ARMC9: variants seen among roughly 807,000 people sequenced by gnomAD.
ARMC9 encodes lisH domain-containing protein ARMC9.
In ARMC9, 94 loss-of-function variants were observed where a neutral mutation model predicts 107.0. That is an observed-to-expected ratio of 0.88 (90% CI 0.74 to 1.04). The LOEUF is 1.04. ARMC9 is among the 50% of genes least tolerant of loss of function. ARMC9 has a pLI of 0.00. For synonymous variants in ARMC9, 380 were observed against 396.9 expected (o/e 0.96, Z 0.51); for missense variants, 942 against 1,030.1 (o/e 0.91, Z 1.17).
At chr2:231,319,615 T>C (rs2042890694) in intron 19 of ARMC9, among the ~76,000 whole-genome samples, 1 of 152,160 alleles carries the variant, frequency 6.6e-6, no homozygotes, top group Admixed American at 6.5e-5. Flanking sequence ...TTCCAGATGG[T>C]GTCTACACAC....
chr2:231,201,595 C>T (rs1274344916), intron 1 of ARMC9, among the ~76,000 whole-genome samples: 1 of 152,226 alleles, frequency 6.6e-6, no homozygotes, highest in Non-Finnish European at 1.5e-5. Flanking sequence ...TTCCATCTTT[C>T]ACACTCACTG....
At chr2:231,323,733 T>C (rs2043132022) in intron 19 of ARMC9, among the ~76,000 whole-genome samples, 1 of 152,208 alleles carries the variant, frequency 6.6e-6, no homozygotes, top group African/African-American at 2.4e-5. Flanking sequence ...TCCCATTTAC[T>C]AGCTAGAGAA....
intron 11 of ARMC9, among the ~76,000 whole-genome samples, chr2:231,259,683 G>A (rs985602845): frequency 1.3e-5 from 2 of 152,132 alleles, no homozygotes; most frequent in African/African-American, 4.8e-5. Flanking sequence ...AATATTTACA[G>A]CATTTGAAAT....
At chr2:231,337,916 A>C (rs1373759717) in intron 20 of ARMC9, among the ~76,000 whole-genome samples, 1 of 152,232 alleles carries the variant, frequency 6.6e-6, no homozygotes, top group Non-Finnish European at 1.5e-5. Flanking sequence ...CTACCCAACC[A>C]GAGGTAATCA....
intron 19 of ARMC9, among the ~76,000 whole-genome samples, chr2:231,302,998 C>T (rs1184816587): frequency 3.3e-5 from 5 of 151,888 alleles, no homozygotes; most frequent in South Asian, 4.2e-4. Context: ...AGCGAGACTC[C>T]GTCTCAAAAA....
intron 5 of ARMC9, among the ~76,000 whole-genome samples, chr2:231,218,737 C>T (rs1005471546): frequency 1.3e-5 from 2 of 151,682 alleles, no homozygotes; most frequent in South Asian, 2.1e-4. Flanking sequence ...AGTATGTATA[C>T]ATAATCAAGT....
chr2:231,284,003 T>A (rs1263108775), intron 17 of ARMC9, among the ~76,000 whole-genome samples: 1 of 152,228 alleles, frequency 6.6e-6, no homozygotes, highest in Non-Finnish European at 1.5e-5. Context: ...ATTACATGCA[T>A]GAGCCGCTGA....
intron 19 of ARMC9, among the ~76,000 whole-genome samples, chr2:231,324,350 A>T (rs1365201746): frequency 1.3e-5 from 2 of 150,476 alleles, no homozygotes; most frequent in Admixed American, 6.6e-5. Flanking sequence ...CTGGTCTTGA[A>T]CGCCTGACCT....
At chr2:231,208,764 T>C (rs571256787) in intron 3 of ARMC9, among the ~76,000 whole-genome samples, 2 of 152,256 alleles carry the variant, frequency 1.3e-5, no homozygotes, top group Admixed American at 1.3e-4. Flanking sequence ...CTCTCAGGGT[T>C]AGAAGGGACC....
chr2:231,346,632 A>G (rs2044828805), intron 21 of ARMC9, among the ~76,000 whole-genome samples: 1 of 152,198 alleles, frequency 6.6e-6, no homozygotes, highest in Non-Finnish European at 1.5e-5. Flanking sequence ...TTACATGCGT[A>G]TACATTTTTT....
intron 18 of ARMC9, 24 bp from the exon 19 acceptor site, chr2:231,296,174 C>G (rs2041350418): frequency 1.3e-6 from 2 of 1,587,680 alleles, no homozygotes; most frequent in East Asian, 4.5e-5. Context: ...ATCCATTATT[C>G]ATTGATTCTT....
At position 231,240,133 on chromosome 2, in the gene ARMC9, T is replaced by C. The variant is rs765427236; in HGVS notation, c.879+92T>C. ...TTAAAAATAGCATGAAAAAATAACA[T>C]GCAAGAGGCTGCATTTAAGCTGGCT... On this transcript the variant is annotated intron_variant, in intron 9 of 24. Transcript: ENST00000611582. 4.7e-6 allele frequency: 5 copies of C among 1,053,024 alleles called. No homozygotes were observed. In the Admixed American group the frequency reaches 1.2e-4, roughly 24 times the overall value. The allele number at this position is 1,053,024 out of a possible 1,614,324, so 65.2% of individuals were successfully genotyped here.
intron 18 of ARMC9, 144 bp downstream of exon 18, chr2:231,291,587 G>T (rs2040997360): frequency 1.4e-6 from 1 of 695,498 alleles, no homozygotes; most frequent in South Asian, 1.7e-5. Context: ...GGAGGCCGAG[G>T]TGGGTGGATC....
intron 7 of ARMC9, among the ~76,000 whole-genome samples, chr2:231,234,886 G>A (rs755507011): frequency 2.0e-5 from 3 of 152,226 alleles, no homozygotes; most frequent in Non-Finnish European, 4.4e-5. Context: ...GATTACAGGC[G>A]TGAGCCACCA....
rs535793535 is a variant in ARMC9, at chr2:231,281,947, G to A, written c.1552-112G>A. Reference sequence around the variant, plus strand: ...TGGAGCACAGGAGAGCTGCGAGGACGGGAACACCCACTCTCCCCATTTGCC... The same window carrying A: ...TGGAGCACAGGAGAGCTGCGAGGACAGGAACACCCACTCTCCCCATTTGCC... On this transcript the variant is annotated intron_variant, in intron 16 of 24. Transcript: ENST00000611582. 7.7e-5 allele frequency: 76 copies of A among 982,496 alleles called. 1 individual carries two copies. Among genetic ancestry groups the A allele is most frequent in the Middle Eastern group, 2.1e-4 (1 of 4,664 alleles). 60.9% of individuals were successfully genotyped at this position (982,496 alleles called of 1,614,324 possible).
chr2:231,290,591 A>C (rs1032246274), intron 17 of ARMC9, among the ~76,000 whole-genome samples: 7 of 152,228 alleles, frequency 4.6e-5, no homozygotes, highest in Non-Finnish European at 8.8e-5. Context: ...AAATCCTGCC[A>C]GGGAAGAGGA....
intron 21 of ARMC9, among the ~76,000 whole-genome samples, chr2:231,350,644 AAAAG>A (rs758038169): frequency 6.6e-6 from 1 of 151,878 alleles, no homozygotes; most frequent in African/African-American, 2.4e-5. Flanking sequence ...AAGAAAAAGA[AAAAG>A]AAACTTCATA....
Position 231,350,946 on chromosome 2 carries a change from C to CTTTTTTTTTTTT in ARMC9, c.1995-4833_1995-4822dup, listed in dbSNP as rs770225857. Among the ~76,000 whole-genome samples, 17 of 50,598 alleles carry CTTTTTTTTTTTT rather than the reference C, an allele frequency of 3.4e-4. 6 individuals are homozygous for CTTTTTTTTTTTT. The highest frequency in any genetic ancestry group is 1.6e-3 in the African/African-American group (16 of 10,074). The allele number at this position is 50,598 out of a possible 152,430, so 33.2% of individuals were successfully genotyped here. ...ATCCTATTTGCACAAAGTGACAATT[C>CTTTTTTTTTTTT]TTTTTTTTTTTTTTTTTTTTTTTTT... is the stretch of plus-strand genomic sequence containing the variant. On this transcript the variant is annotated intron_variant, in intron 21 of 24. Coordinates refer to ENST00000611582, the MANE Select transcript of ARMC9 (RefSeq NM_001352754.2).
intron 17 of ARMC9, among the ~76,000 whole-genome samples, chr2:231,288,290 T>C (rs1220850107): frequency 6.6e-6 from 1 of 152,154 alleles, no homozygotes; most frequent in Non-Finnish European, 1.5e-5. Flanking sequence ...CGTAAAACAA[T>C]GTACATAAAA....
Sources: gnomAD v4.1 joint callset for allele counts (sites outside exome capture counted in the v4.1 genomes callset) on GRCh38, gnomAD v4.1.1 for gene constraint, MANE v1.5 for transcripts, NCBI Gene and HGNC (gene_info 2026-07-23, HGNC 2026-07-21) for gene names.